The following SLC25A17 variants were observed in gnomAD, a reference collection of about 807,000 sequenced individuals.
SLC25A17 encodes the protein peroxisomal membrane protein PMP34.
In SLC25A17, 26 loss-of-function variants were observed where a neutral mutation model predicts 38.5. That is an observed-to-expected ratio of 0.68 (90% CI 0.50 to 0.94). The LOEUF (loss-of-function observed/expected upper bound fraction) is 0.94, where lower values mean the gene tolerates loss of function less well. Among genes scored for constraint, SLC25A17 ranks in the 40% least tolerant of loss-of-function variants. The pLI is 0.00. For synonymous variants in SLC25A17, 139 were observed against 136.2 expected (o/e 1.02, Z -0.14); for missense variants, 333 against 372.7 (o/e 0.89, Z 0.88).
chr22:40,774,704 G>A (rs1839305337), intron 7 of SLC25A17, among the ~76,000 whole-genome samples: 1 of 152,134 alleles, frequency 6.6e-6, no homozygotes, highest in African/African-American at 2.4e-5. Context: ...TGCAGTCTAA[G>A]CTCTTCAGAT....
Position 40,769,855 on chromosome 22 carries a change from C to T in SLC25A17, c.*979G>A, listed in dbSNP as rs961878339. On this transcript the variant is annotated 3_prime_UTR_variant, in exon 9 of 9. Transcript: ENST00000435456. ...AGCTCTCAGCTTGTGGCAGTACTACCGTCTGATGGACCACACTGAGCAACA... is the reference window on the plus strand; with the variant it reads ...AGCTCTCAGCTTGTGGCAGTACTACTGTCTGATGGACCACACTGAGCAACA... 5.9e-5 allele frequency: 9 copies of T among 152,068 alleles called. No individual in the cohort carries two copies. Among genetic ancestry groups the T allele is most frequent in the Non-Finnish European group, 1.2e-4 (8 of 68,026 alleles). The allele number at this position is 152,068 out of a possible 1,614,324, so 9.4% of individuals were successfully genotyped here.
chr22:40,819,078 A>C, intron 1 of SLC25A17, 117 bp downstream of exon 1: 1 of 1,084,524 alleles, frequency 9.2e-7, no homozygotes, highest in Non-Finnish European at 1.4e-6. Flanking sequence ...CAGTCATGAC[A>C]GTGGACCCCA....
At chr22:40,809,974 G>A (rs1372679237) in intron 1 of SLC25A17, among the ~76,000 whole-genome samples, 1 of 152,110 alleles carries the variant, frequency 6.6e-6, no homozygotes, top group African/African-American at 2.4e-5. Context: ...TACAATTAAT[G>A]TCTTACAGAT....
chr22:40,797,245 G>T, intron 2 of SLC25A17: 1 of 1,022,772 alleles, frequency 9.8e-7, no homozygotes, highest in Non-Finnish European at 1.4e-6. Flanking sequence ...TAGGCATAAA[G>T]GGTTTAACCT....
chr22:40,793,566 G>A (rs1452878397), intron 3 of SLC25A17, among the ~76,000 whole-genome samples: 1 of 152,028 alleles, frequency 6.6e-6, no homozygotes, highest in Non-Finnish European at 1.5e-5. Context: ...TAACCTCAAT[G>A]GAATCATGAG....
intron 1 of SLC25A17, among the ~76,000 whole-genome samples, chr22:40,809,355 C>A (rs993884224): frequency 6.6e-6 from 1 of 151,940 alleles, no homozygotes; most frequent in Non-Finnish European, 1.5e-5. Context: ...AAAAGGCTCA[C>A]ACCTGTAACC....
Position 40,770,275 on chromosome 22 carries a change from A to T in SLC25A17, c.*559T>A, listed in dbSNP as rs1274850779. 1 of 152,230 alleles carries T rather than the reference A, an allele frequency of 6.6e-6. No individual in the cohort carries two copies. The highest frequency in any genetic ancestry group is 1.5e-5 in the Non-Finnish European group (1 of 68,050). The allele number at this position is 152,230 out of a possible 1,614,324, so 9.4% of individuals were successfully genotyped here. A position where few individuals can be genotyped will look rare whatever the true frequency, so the allele number is the denominator to read the frequency against. Reference sequence around the variant, plus strand: ...TTTGGGTGAACAATTTTCATTTCACAAAATAAATAGCTCATATCCAAAAAA... The same window carrying T: ...TTTGGGTGAACAATTTTCATTTCACTAAATAAATAGCTCATATCCAAAAAA... On this transcript the variant is annotated 3_prime_UTR_variant, in exon 9 of 9. Transcript: ENST00000435456.
At chr22:40,772,467 G>A (rs2057193890) in intron 8 of SLC25A17, among the ~76,000 whole-genome samples, 1 of 152,008 alleles carries the variant, frequency 6.6e-6, no homozygotes, top group South Asian at 2.1e-4. Context: ...AGGATGCCTA[G>A]CTAATTTTTT....
intron 4 of SLC25A17, among the ~76,000 whole-genome samples, chr22:40,787,099 G>C (rs1284945670): frequency 6.6e-6 from 1 of 152,150 alleles, no homozygotes; most frequent in African/African-American, 2.4e-5. Context: ...ACATAGAAAG[G>C]GCACCTAACC....
At chr22:40,800,838 G>A (rs1188990878) in intron 1 of SLC25A17, among the ~76,000 whole-genome samples, 5 of 149,134 alleles carry the variant, frequency 3.4e-5, no homozygotes, top group African/African-American at 1.2e-4. Flanking sequence ...GATGGCTCAC[G>A]CCTGTAATCA....
chr22:40,774,963 C>T (rs924608569), intron 7 of SLC25A17, among the ~76,000 whole-genome samples: 1 of 152,076 alleles, frequency 6.6e-6, no homozygotes, highest in East Asian at 1.9e-4. Flanking sequence ...GTGCCACCAC[C>T]GTGGTCCAGG....
At chr22:40,795,023 G>A (rs778367162) in intron 2 of SLC25A17, among the ~76,000 whole-genome samples, 2 of 152,148 alleles carry the variant, frequency 1.3e-5, no homozygotes, top group Non-Finnish European at 2.9e-5. Flanking sequence ...AAAGTGCTGG[G>A]ATTACAGGCG....
intron 1 of SLC25A17, among the ~76,000 whole-genome samples, chr22:40,802,765 A>G (rs990814666): frequency 6.6e-6 from 1 of 152,246 alleles, no homozygotes; most frequent in East Asian, 1.9e-4. Flanking sequence ...CCCTACTCCA[A>G]TGATTAATAA....
Position 40,779,030 on chromosome 22 carries a change from T to C in SLC25A17, c.430A>G (p.Thr144Ala), listed in dbSNP as rs1221454901. 1.2e-6 allele frequency: 2 copies of C among 1,613,970 alleles called. No individual in the cohort carries two copies. Among genetic ancestry groups the C allele is most frequent in the South Asian group, 1.1e-5 (1 of 91,070 alleles). The stretch of plus-strand genomic sequence containing the variant: ...TTACCAATGATACCTTTGTAGTTTG[T>C]TGGTACAATGTCTTCATTCCTAAAT... ...AKFRNEDIVP[T>A]NYKGIIDAFH... Residue 144 changes from threonine to alanine, a missense_variant, in exon 5 of 9, where the codon ACA (threonine) becomes GCA (alanine). Thr to Ala is a moderately conservative substitution (Grantham distance 58). Transcript: ENST00000435456.
chr22:40,802,544 C>A (rs1263744324), intron 1 of SLC25A17, among the ~76,000 whole-genome samples: 1 of 152,080 alleles, frequency 6.6e-6, no homozygotes, highest in Non-Finnish European at 1.5e-5. Context: ...ACTTGGGAGG[C>A]TGAGGCAAGA....
chr22:40,786,175 G>A lies in SLC25A17; in HGVS notation c.334+6350C>T, dbSNP rs1304773714. Among the ~76,000 whole-genome samples, 3 of 152,176 alleles carry A rather than the reference G, an allele frequency of 2.0e-5. No homozygotes were observed. The East Asian group carries it at 5.8e-4, about 29-fold the overall frequency. On this transcript the variant is annotated intron_variant, in intron 4 of 8. Transcript: ENST00000435456. ...AAATACAAAAAATTAGCTGGGCATG[G>A]TGGTGTGTGCTTGTAATCCCAGCTA...
At chr22:40,795,968 T>C (rs1249197542) in intron 2 of SLC25A17, among the ~76,000 whole-genome samples, 1 of 151,980 alleles carries the variant, frequency 6.6e-6, no homozygotes, top group Non-Finnish European at 1.5e-5. Context: ...TTTGTATTTT[T>C]AGTAGAGACA....
chr22:40,803,271 CTT>C (rs2057499430), intron 1 of SLC25A17, among the ~76,000 whole-genome samples: 1 of 152,126 alleles, frequency 6.6e-6, no homozygotes, highest in Non-Finnish European at 1.5e-5. Flanking sequence ...TTAAATGAAA[CTT>C]TGTACCCTTT....
chr22:40,815,601 T>C (rs2057630874), intron 1 of SLC25A17, among the ~76,000 whole-genome samples: 1 of 152,198 alleles, frequency 6.6e-6, no homozygotes, highest in Non-Finnish European at 1.5e-5. Flanking sequence ...TGCAAGAATA[T>C]ACTTGAGACA....
Sources: gnomAD v4.1 joint callset for allele counts (sites outside exome capture counted in the v4.1 genomes callset) on GRCh38, gnomAD v4.1.1 for gene constraint, MANE v1.5 for transcripts, NCBI Gene and HGNC (gene_info 2026-07-23, HGNC 2026-07-21) for gene names.